The following EPHA5 variants were observed in gnomAD, a reference collection of about 807,000 sequenced individuals.
EPHA5 encodes the protein EPH receptor A5, also known as ephrin type-A receptor 5.
Under a neutral mutation model 105.0 loss-of-function variants are expected in EPHA5, and 60 were observed. The ratio of observed to expected loss-of-function variants is 0.57; its 90% confidence interval spans 0.46 to 0.71. The LOEUF (loss-of-function observed/expected upper bound fraction) is 0.71, where lower values mean the gene tolerates loss of function less well. EPHA5 is among the 30% of genes least tolerant of loss of function. The pLI is 0.00. For missense variants in EPHA5, 1,218 were observed against 1,274.7 expected (o/e 0.96, Z 0.68); for synonymous variants, 513 against 449.1 (o/e 1.14, Z -1.80).
intron 3 of EPHA5, among the ~76,000 whole-genome samples, chr4:65,504,163 T>C (rs1051197643): frequency 2.6e-5 from 4 of 151,390 alleles, no homozygotes; most frequent in Non-Finnish European, 5.9e-5. Context: ...ATAGTATCAA[T>C]GATTAATTAT....
intron 11 of EPHA5, among the ~76,000 whole-genome samples, chr4:65,358,462 A>T (rs1190846749): frequency 6.6e-6 from 1 of 151,590 alleles, no homozygotes; most frequent in Non-Finnish European, 1.5e-5. Context: ...TAGTATACTT[A>T]TCTTTGCAGC....
intron 5 of EPHA5, among the ~76,000 whole-genome samples, chr4:65,469,650 G>C (rs1027647327): frequency 6.6e-6 from 1 of 152,052 alleles, no homozygotes; most frequent in African/African-American, 2.4e-5. Flanking sequence ...GAAAAACACA[G>C]ATTTTGTCTC....
At chr4:65,627,671 T>C (rs1012748854) in intron 2 of EPHA5, among the ~76,000 whole-genome samples, 9 of 152,166 alleles carry the variant, frequency 5.9e-5, no homozygotes, top group African/African-American at 1.9e-4. Context: ...AACCATATTA[T>C]GCCTTGTTAC....
At position 65,579,375 on chromosome 4, in the gene EPHA5, T is replaced by TAA. The variant is rs767360684; in HGVS notation, c.910+22264_910+22265dup. 2.6e-3 allele frequency among the ~76,000 whole-genome samples: 380 copies of TAA among 146,540 alleles called. 1 individual carries two copies. Among genetic ancestry groups the TAA allele is most frequent in the Middle Eastern group, 0.018 (5 of 276 alleles). ...GTATGTGTGTATATATATATATATA[T>TAA]AAATATATATATATAAAATATTTAT... On this transcript the variant is annotated intron_variant, in intron 3 of 16. Transcript: ENST00000613740.
At chr4:65,380,661 A>G (rs974289028) in intron 8 of EPHA5, among the ~76,000 whole-genome samples, 1 of 151,834 alleles carries the variant, frequency 6.6e-6, no homozygotes, top group Non-Finnish European at 1.5e-5. Flanking sequence ...CATAGAAAAT[A>G]TTTTTATTTT....
rs1297192532 is a variant in EPHA5, at chr4:65,626,135, T to A, written c.246+17228A>T. ...AAAAAAAATGCACTTTTAAAAAATG[T>A]TAATTGAATATCACATATAGCTAAG... On this transcript the variant is annotated intron_variant, in intron 2 of 16. Transcript: ENST00000613740. Among the ~76,000 whole-genome samples the A allele has an allele frequency of 5.3e-5, 8 of 151,472 alleles. No homozygotes were observed. The South Asian group carries it at 6.3e-4, about 12-fold the overall frequency.
chr4:65,551,441 G>A (rs923179434), intron 3 of EPHA5, among the ~76,000 whole-genome samples: 3 of 151,926 alleles, frequency 2.0e-5, no homozygotes, highest in African/African-American at 7.3e-5. Context: ...CTTTGAAAAA[G>A]CAATTGACTG....
chr4:65,505,720 C>T (rs965920280), intron 3 of EPHA5, among the ~76,000 whole-genome samples: 6 of 152,042 alleles, frequency 3.9e-5, no homozygotes, highest in Non-Finnish European at 8.8e-5. Flanking sequence ...GAATTTATAC[C>T]TCTTTTCCAT....
intron 5 of EPHA5, among the ~76,000 whole-genome samples, chr4:65,425,150 T>C (rs979355688): frequency 3.9e-5 from 6 of 152,144 alleles, no homozygotes; most frequent in Non-Finnish European, 7.4e-5. Context: ...TTTCAGTCTA[T>C]GACAGTCCAT....
chr4:65,538,991 A>C (rs1006469010), intron 3 of EPHA5, among the ~76,000 whole-genome samples: 7 of 151,674 alleles, frequency 4.6e-5, no homozygotes, highest in Middle Eastern at 3.2e-3. Flanking sequence ...CTGGACTGCT[A>C]ACAGAGAGAA....
At chr4:65,510,926 T>A (rs115950293) in intron 3 of EPHA5, among the ~76,000 whole-genome samples, 1,710 of 152,218 alleles carry the variant, frequency 0.011, 33 homozygotes, top group African/African-American at 0.039. Context: ...TCACATTAGG[T>A]CATGAGAGTG....
At chr4:65,559,435 G>C (rs900090876) in intron 3 of EPHA5, among the ~76,000 whole-genome samples, 6 of 152,182 alleles carry the variant, frequency 3.9e-5, no homozygotes, top group African/African-American at 1.4e-4. Context: ...CCCATCTGAG[G>C]GTGCACTCTG....
intron 5 of EPHA5, among the ~76,000 whole-genome samples, chr4:65,440,310 A>G (rs936058943): frequency 3.3e-5 from 5 of 152,080 alleles, no homozygotes; most frequent in African/African-American, 4.8e-5. Context: ...CAATAAATAT[A>G]TAAGTAATAC....
intron 3 of EPHA5, among the ~76,000 whole-genome samples, chr4:65,574,655 C>CACATATATATATACAT (rs1740642814): frequency 2.2e-5 from 2 of 89,300 alleles, no homozygotes; most frequent in Non-Finnish European, 4.8e-5. Context: ...TATATATACA[C>CACATATATATATACAT]ATATATATAT....
intron 5 of EPHA5, among the ~76,000 whole-genome samples, chr4:65,436,004 A>C (rs767882451): frequency 2.6e-5 from 4 of 152,036 alleles, no homozygotes; most frequent in Non-Finnish European, 2.9e-5. Context: ...ACTTTTTCTC[A>C]GTGATAGTAG....
chr4:65,618,644 T>C lies in EPHA5; in HGVS notation c.247-16340A>G, dbSNP rs554582138. On this transcript the variant is annotated intron_variant, in intron 2 of 16. Transcript: ENST00000613740. Reference sequence around the variant, plus strand: ...ACAGAGTTCATTTCTGCTACGAATTTTACAGTAATACTAACATGCCCCAAA... The same window carrying C: ...ACAGAGTTCATTTCTGCTACGAATTCTACAGTAATACTAACATGCCCCAAA... Among the ~76,000 whole-genome samples, 3 of 152,320 alleles carry C rather than the reference T, an allele frequency of 2.0e-5. No individual in the cohort carries two copies. In the South Asian group the frequency reaches 6.2e-4, roughly 32 times the overall value.
chr4:65,562,545 A>C (rs1739123332), intron 3 of EPHA5, among the ~76,000 whole-genome samples: 1 of 152,090 alleles, frequency 6.6e-6, no homozygotes, highest in Admixed American at 6.6e-5. Flanking sequence ...AGTTCATATA[A>C]AAATTCATAA....
At chr4:65,402,909 T>C (rs188216269) in intron 8 of EPHA5, among the ~76,000 whole-genome samples, 1 of 152,122 alleles carries the variant, frequency 6.6e-6, no homozygotes, top group Admixed American at 6.6e-5. Flanking sequence ...GGGATATAGG[T>C]TGTGCATTCT....
chr4:65,455,058 C>A (rs1000541656), intron 5 of EPHA5, among the ~76,000 whole-genome samples: 2 of 151,914 alleles, frequency 1.3e-5, no homozygotes, highest in African/African-American at 4.8e-5. Context: ...ATGGTGAAAC[C>A]CTGTCTCTAC....
Sources: allele counts gnomAD v4.1 joint callset (sites outside exome capture counted in the v4.1 genomes callset), GRCh38; gene constraint gnomAD v4.1.1; transcripts MANE v1.5; gene names NCBI Gene and HGNC (gene_info 2026-07-23, HGNC 2026-07-21).